The following CAB39 variants were observed in gnomAD, a reference collection of about 807,000 sequenced individuals.
CAB39 encodes the protein calcium-binding protein 39.
A neutral mutation model predicts 40.0 loss-of-function variants in CAB39; 8 were observed. The ratio of observed to expected loss-of-function variants is 0.20; its 90% CI spans 0.12 to 0.36. The LOEUF (loss-of-function observed/expected upper bound fraction) is 0.36. CAB39 is among the 10% of genes least tolerant of loss of function. The pLI is 1.00. For synonymous variants in CAB39, 156 were observed against 141.6 expected, an observed-to-expected ratio of 1.10 and a Z score of -0.72; for missense variants, 270 against 401.1, an observed-to-expected ratio of 0.67 and a Z score of 2.79.
chr2:230,725,223 C>T, intron 1 of CAB39: 1 of 1,596,236 alleles, frequency 6.3e-7, no homozygotes, highest in Non-Finnish European at 8.6e-7. Flanking sequence ...TTCAGCCATT[C>T]CCGGTAGAGG....
intron 1 of CAB39, among the ~76,000 whole-genome samples, chr2:230,735,850 CT>C (rs1694780419): frequency 1.3e-5 from 2 of 152,166 alleles, no homozygotes; most frequent in African/African-American, 4.8e-5. Context: ...ACCATTTAGA[CT>C]TTAATATCTG....
intron 1 of CAB39, among the ~76,000 whole-genome samples, chr2:230,748,831 A>AATACAT (rs1695031188): frequency 3.5e-5 from 1 of 28,512 alleles, no homozygotes; most frequent in Non-Finnish European, 6.3e-5. Flanking sequence ...AAAAAAAAAA[A>AATACAT]ATATATATAT....
intron 1 of CAB39, among the ~76,000 whole-genome samples, chr2:230,737,647 A>G (rs1694809958): frequency 6.6e-6 from 1 of 152,248 alleles, no homozygotes; most frequent in African/African-American, 2.4e-5. Context: ...TAGTAAAGGA[A>G]AAATAAAATG....
intron 1 of CAB39, among the ~76,000 whole-genome samples, chr2:230,738,341 CT>C (rs1384070500): frequency 6.6e-6 from 1 of 152,184 alleles, no homozygotes; most frequent in Admixed American, 6.5e-5. Flanking sequence ...TGATTGGGAA[CT>C]TTTTTCCTCC....
At chr2:230,806,563 G>A (rs978054316) in intron 5 of CAB39, among the ~76,000 whole-genome samples, 1 of 152,182 alleles carries the variant, frequency 6.6e-6, no homozygotes, top group Non-Finnish European at 1.5e-5. Context: ...TCGAGGAGTG[G>A]TTAAAGGAAC....
At chr2:230,813,383 G>A (rs1256105186) in intron 6 of CAB39, among the ~76,000 whole-genome samples, 1 of 151,940 alleles carries the variant, frequency 6.6e-6, no homozygotes, top group Non-Finnish European at 1.5e-5. Context: ...TTCTCCCCGG[G>A]GCTTCATTCA....
intron 2 of CAB39, among the ~76,000 whole-genome samples, chr2:230,770,965 T>C (rs1190270733): frequency 1.3e-5 from 2 of 152,202 alleles, no homozygotes; most frequent in East Asian, 3.8e-4. Flanking sequence ...AGTCATGTTA[T>C]CTCTGAGATC....
intron 2 of CAB39, among the ~76,000 whole-genome samples, chr2:230,765,048 G>A (rs911811069): frequency 2.6e-5 from 4 of 152,036 alleles, no homozygotes; most frequent in East Asian, 1.9e-4. Flanking sequence ...GTGCAGTGGC[G>A]CAGTCTTGGC....
chr2:230,776,402 A>G (rs1388476447), intron 2 of CAB39, among the ~76,000 whole-genome samples: 5 of 152,228 alleles, frequency 3.3e-5, no homozygotes, highest in African/African-American at 4.8e-5. Context: ...TGACATTGGT[A>G]TAATCCACAG....
At position 230,771,425 on chromosome 2, in the gene CAB39, CAAAG is replaced by C. The variant is rs200437185; in HGVS notation, c.114+11311_114+11314del. The stretch of plus-strand genomic sequence containing the variant: ...AAACATGAAATAGGGATAAATCTGA[CAAAG>C]GAAGTGAAAGAGTTGTACACTGAAA... On this transcript the variant is annotated intron_variant, in intron 2 of 8. Coordinates refer to ENST00000258418, the MANE Select transcript of CAB39 (RefSeq NM_016289.4). Among the ~76,000 whole-genome samples, 1,305 of 152,186 alleles carry C rather than the reference CAAAG, an allele frequency of 8.6e-3. 19 individuals are homozygous for C. The highest frequency in any genetic ancestry group is 0.028 in the African/African-American group (1,168 of 41,530).
chr2:230,714,918 T>G (rs1694322435), intron 1 of CAB39, among the ~76,000 whole-genome samples: 1 of 152,238 alleles, frequency 6.6e-6, no homozygotes, highest in South Asian at 2.1e-4. Flanking sequence ...GAATGCCACC[T>G]TTTTGCAGTT....
rs945666326 is a variant in CAB39 at position 230,770,984 on chromosome 2, G to A, written c.114+10869G>A. Among the ~76,000 whole-genome samples, 12 of 152,258 alleles carry A rather than the reference G, an allele frequency of 7.9e-5. 1 individual carries two copies. The highest frequency in any genetic ancestry group is 5.2e-4 in the Admixed American group (8 of 15,288). ...ATGTTATCTCTGAGATCAAGAAGAC[G>A]ACAGGGATATCTACTTTCACCACAA... On this transcript the variant is annotated intron_variant, in intron 2 of 8. Transcript: ENST00000258418.
intron 1 of CAB39, among the ~76,000 whole-genome samples, chr2:230,752,703 A>T (rs1695112178): frequency 2.0e-5 from 3 of 152,134 alleles, no homozygotes; most frequent in African/African-American, 4.8e-5. Flanking sequence ...CCCATTGACA[A>T]CTCCTGGCCT....
chr2:230,771,608 T>G (rs574548935), intron 2 of CAB39, among the ~76,000 whole-genome samples: 1 of 152,342 alleles, frequency 6.6e-6, no homozygotes, highest in Admixed American at 6.5e-5. Context: ...ATCAAAGAGT[T>G]TGTTCTAAAA....
At position 230,818,948 on chromosome 2, in the gene CAB39, C is replaced by T. The variant is rs1383775337; in HGVS notation, c.*244C>T. 27 of 392,162 alleles carry T rather than the reference C, an allele frequency of 6.9e-5. No homozygotes were observed. Among genetic ancestry groups the T allele is most frequent in the Admixed American group, 1.2e-4 (3 of 24,504 alleles). The allele number at this position is 392,162 out of a possible 1,614,324, so 24.3% of individuals were successfully genotyped here. ...ATTTCAGAATTCAAAGACTGTGCTA[C>T]GGGAGTTCTGAACATGGCTGGGTTC... On this transcript the variant is annotated 3_prime_UTR_variant, in exon 9 of 9. Transcript: ENST00000258418.
chr2:230,799,037 A>T, intron 5 of CAB39, 140 bp downstream of exon 5: 1 of 621,978 alleles, frequency 1.6e-6, no homozygotes, highest in Non-Finnish European at 2.7e-6. Context: ...TGTTTGTGTG[A>T]TAGAGGTATA....
intron 2 of CAB39, among the ~76,000 whole-genome samples, chr2:230,766,666 C>T (rs1695391575): frequency 6.6e-6 from 1 of 152,208 alleles, no homozygotes; most frequent in Admixed American, 6.5e-5. Context: ...GTAGCTGGGA[C>T]TACAAGCATG....
intron 1 of CAB39, among the ~76,000 whole-genome samples, chr2:230,742,196 A>G (rs1375641277): frequency 6.6e-6 from 1 of 151,362 alleles, no homozygotes; most frequent in Non-Finnish European, 1.5e-5. Flanking sequence ...TGTTTTTGAG[A>G]TGGAGTCTTG....
rs1227879787 is a variant in CAB39, at chr2:230,818,794, T to C, written c.*90T>C. 2.9e-6 allele frequency: 3 copies of C among 1,023,442 alleles called. No homozygotes were observed. Among genetic ancestry groups the C allele is most frequent in the African/African-American group, 1.6e-5 (1 of 61,700 alleles). 63.4% of individuals were successfully genotyped at this position (1,023,442 alleles called of 1,614,324 possible). ...ACTCTTATTGATTCATGAGGAACAT[T>C]ACTGCTAATCTGCTGTTAAGTGAAC... On this transcript the variant is annotated 3_prime_UTR_variant, in exon 9 of 9. Transcript: ENST00000258418.
Sources: allele counts gnomAD v4.1 joint callset (sites outside exome capture counted in the v4.1 genomes callset), GRCh38; gene constraint gnomAD v4.1.1; transcripts MANE v1.5; gene names NCBI Gene and HGNC (gene_info 2026-07-23, HGNC 2026-07-21).